CDKAL1: variants seen among roughly 807,000 people sequenced by gnomAD.
CDKAL1 encodes threonylcarbamoyladenosine tRNA methylthiotransferase.
In CDKAL1, 32 loss-of-function variants were observed where a neutral mutation model predicts 68.2. The observed-to-expected ratio is 0.47, with a 90% confidence interval of 0.35 to 0.63. The LOEUF (loss-of-function observed/expected upper bound fraction) is 0.63. Among genes scored for constraint, CDKAL1 ranks in the 30% least tolerant of loss-of-function variants. The pLI is 0.00. For synonymous variants in CDKAL1, 234 were observed against 244.3 expected, an observed-to-expected ratio of 0.96 and a Z score of 0.39; for missense variants, 606 against 696.7, an observed-to-expected ratio of 0.87 and a Z score of 1.47.
At chr6:21,120,671 A>G (rs572546513) in intron 13 of CDKAL1, among the ~76,000 whole-genome samples, 2 of 152,184 alleles carry the variant, frequency 1.3e-5, no homozygotes, top group East Asian at 1.9e-4. Context: ...TTATATAGAT[A>G]TGTGCTTTTT....
At chr6:20,913,554 A>G (rs1762573535) in intron 9 of CDKAL1, among the ~76,000 whole-genome samples, 1 of 152,184 alleles carries the variant, frequency 6.6e-6, no homozygotes, top group Non-Finnish European at 1.5e-5. Flanking sequence ...TCTGCAGCCA[A>G]CACAGCAGAC....
chr6:21,151,015 A>T (rs1213841863), intron 13 of CDKAL1, among the ~76,000 whole-genome samples: 2 of 152,234 alleles, frequency 1.3e-5, no homozygotes, highest in Non-Finnish European at 2.9e-5. Flanking sequence ...TAGCCTACAA[A>T]AGATACCAAA....
At chr6:20,917,600 C>T (rs557772704) in intron 9 of CDKAL1, among the ~76,000 whole-genome samples, 21 of 152,160 alleles carry the variant, frequency 1.4e-4, no homozygotes, top group African/African-American at 4.6e-4. Flanking sequence ...TCTGAGATTT[C>T]GGTGCACCTG....
chr6:20,726,995 G>T (rs1228648490), intron 5 of CDKAL1, among the ~76,000 whole-genome samples: 1 of 152,128 alleles, frequency 6.6e-6, no homozygotes, highest in Non-Finnish European at 1.5e-5. Context: ...TAGCTTATCG[G>T]AAAAGAATGT....
chr6:21,206,973 C>T (rs75705757), intron 15 of CDKAL1, among the ~76,000 whole-genome samples: 11,159 of 151,048 alleles, frequency 0.074, 891 homozygotes, highest in African/African-American at 0.2. Flanking sequence ...GTCACCCAGG[C>T]GCGATCTCGG....
rs1582127481 is a variant in CDKAL1, at chr6:21,065,201, A to C, written c.1209A>C (p.Ala403=). 3 of 1,609,900 alleles carry C rather than the reference A, an allele frequency of 1.9e-6. No homozygotes were observed. The East Asian group carries it at 6.7e-5, about 36-fold the overall frequency. Reference sequence around the variant, plus strand: ...ACCCAAGACCAGGAACTCCTGCTGCAAAAATGGAACAAGTTCCAGCACAAG... The same window carrying C: ...ACCCAAGACCAGGAACTCCTGCTGCCAAAATGGAACAAGTTCCAGCACAAG... The part of the protein sequence containing the change: ...QFYPRPGTPA[A]KMEQVPAQVK... Residue 403 remains alanine, a synonymous_variant, in exon 12 of 16, where the codon GCA becomes GCC. Coordinates refer to ENST00000274695, the MANE Select transcript of CDKAL1 (RefSeq NM_017774.3).
At chr6:20,739,957 C>T (rs572071267) in intron 6 of CDKAL1, among the ~76,000 whole-genome samples, 2 of 152,152 alleles carry the variant, frequency 1.3e-5, no homozygotes, top group East Asian at 1.9e-4. Context: ...GCTTTTCGCC[C>T]CCTAGTACAT....
rs377727348 is a variant in CDKAL1 at position 20,554,933 on chromosome 6, C to T, written c.286+6228C>T. Among the ~76,000 whole-genome samples, 121 of 152,284 alleles carry T rather than the reference C, an allele frequency of 7.9e-4. 3 individuals are homozygous for T. In the South Asian group the frequency reaches 0.024, roughly 30 times the overall value. On this transcript the variant is annotated intron_variant, in intron 4 of 15. Coordinates refer to ENST00000274695, the MANE Select transcript of CDKAL1 (RefSeq NM_017774.3). ...CTGAAGAGTAATGGTGTTATGTGTA[C>T]GAAATATTTGTGGACATGCTTACCT...
At chr6:20,775,489 C>T (rs1283618723) in intron 7 of CDKAL1, among the ~76,000 whole-genome samples, 1 of 152,132 alleles carries the variant, frequency 6.6e-6, no homozygotes, top group African/African-American at 2.4e-5. Flanking sequence ...TGTGAATGTG[C>T]AATTATGGTC....
intron 13 of CDKAL1, among the ~76,000 whole-genome samples, chr6:21,131,781 G>A (rs1023375023): frequency 6.6e-6 from 1 of 151,624 alleles, no homozygotes; most frequent in African/African-American, 2.4e-5. Flanking sequence ...CTCTGCATTA[G>A]TGAAATGTTT....
chr6:20,897,518 C>A (rs865829792), intron 9 of CDKAL1, among the ~76,000 whole-genome samples: 17 of 152,126 alleles, frequency 1.1e-4, no homozygotes, highest in African/African-American at 4.1e-4. Flanking sequence ...AGATAACATA[C>A]ATCTGTAATA....
chr6:20,808,317 C>G (rs1776656317), intron 8 of CDKAL1, among the ~76,000 whole-genome samples: 1 of 151,960 alleles, frequency 6.6e-6, no homozygotes, highest in Non-Finnish European at 1.5e-5. Flanking sequence ...CAATGAAAAG[C>G]TTATGGTAAT....
At chr6:20,846,955 T>G (rs976980687) in intron 9 of CDKAL1, among the ~76,000 whole-genome samples, 1 of 152,244 alleles carries the variant, frequency 6.6e-6, no homozygotes, top group African/African-American at 2.4e-5. Context: ...TAATAGTTAT[T>G]GGCAATGTAC....
intron 5 of CDKAL1, among the ~76,000 whole-genome samples, chr6:20,655,333 G>C (rs1768974616): frequency 6.6e-6 from 1 of 152,192 alleles, no homozygotes; most frequent in African/African-American, 2.4e-5. Flanking sequence ...GGACAGAGTG[G>C]TTGTAGTCCA....
chr6:21,031,408 T>C (rs1582063490), intron 11 of CDKAL1, among the ~76,000 whole-genome samples: 1 of 151,844 alleles, frequency 6.6e-6, no homozygotes, highest in East Asian at 1.9e-4. Context: ...AAAATCTCCT[T>C]ATCTTAATGT....
intron 11 of CDKAL1, among the ~76,000 whole-genome samples, chr6:21,036,428 G>T (rs755129545): frequency 2.0e-5 from 3 of 152,092 alleles, no homozygotes; most frequent in Non-Finnish European, 4.4e-5. Flanking sequence ...GCAAGTCAAG[G>T]TGTTAAGCTT....
intron 11 of CDKAL1, among the ~76,000 whole-genome samples, chr6:21,046,050 C>A (rs1770210408): frequency 6.6e-6 from 1 of 152,286 alleles, no homozygotes; most frequent in Middle Eastern, 3.4e-3. Context: ...GCTTACATGA[C>A]CTTTCTCTGT....
chr6:21,016,314 G>A (rs994863182), intron 11 of CDKAL1, among the ~76,000 whole-genome samples: 5 of 152,028 alleles, frequency 3.3e-5, no homozygotes, highest in African/African-American at 1.2e-4. Context: ...TAGTTCCAGA[G>A]CTGGTGCTTT....
intron 12 of CDKAL1, among the ~76,000 whole-genome samples, chr6:21,081,711 A>G (rs928239745): frequency 6.6e-5 from 10 of 151,408 alleles, no homozygotes; most frequent in Admixed American, 6.6e-4. Context: ...AGCTGGGACT[A>G]CAGGTGCCCG....
Sources: allele counts gnomAD v4.1 joint callset (sites outside exome capture counted in the v4.1 genomes callset), GRCh38; gene constraint gnomAD v4.1.1; transcripts MANE v1.5; gene names NCBI Gene and HGNC (gene_info 2026-07-23, HGNC 2026-07-21).